The following GAREM1 variants were observed in gnomAD, a reference collection of about 807,000 sequenced individuals.
GAREM1 encodes the protein GRB2 associated regulator of MAPK1 subtype 1.
Under a neutral mutation model 71.3 loss-of-function variants are expected in GAREM1, and 26 were observed. The ratio of observed to expected loss-of-function variants is 0.36; its 90% CI spans 0.27 to 0.51. The LOEUF (loss-of-function observed/expected upper bound fraction) is 0.51. Among genes scored for constraint, GAREM1 ranks in the 20% least tolerant of loss-of-function variants. The pLI, the probability that GAREM1 is intolerant of heterozygous loss-of-function variation, is 0.95. For missense variants in GAREM1, 1,026 were observed against 1,103.1 expected, an observed-to-expected ratio of 0.93 and a Z score of 0.99; for synonymous variants, 440 against 433.2, an observed-to-expected ratio of 1.02 and a Z score of -0.20.
At chr18:32,466,397 A>G (rs1568022751) in intron 1 of GAREM1, among the ~76,000 whole-genome samples, 2 of 152,252 alleles carry the variant, frequency 1.3e-5, no homozygotes, top group Non-Finnish European at 2.9e-5. Context: ...ATATTTTACT[A>G]GAGTTTTTAG....
intron 4 of GAREM1, among the ~76,000 whole-genome samples, chr18:32,280,058 A>C (rs2041593485): frequency 6.6e-6 from 1 of 152,228 alleles, no homozygotes; most frequent in South Asian, 2.1e-4. Context: ...ACGAAACCTC[A>C]TTAACTAGTG....
At chr18:32,432,678 A>C (rs191472390) in intron 1 of GAREM1, among the ~76,000 whole-genome samples, 1 of 152,286 alleles carries the variant, frequency 6.6e-6, no homozygotes, top group African/African-American at 2.4e-5. Flanking sequence ...CACACGTATA[A>C]ATTTCACAGT....
At chr18:32,365,406 T>C (rs988025273) in intron 2 of GAREM1, among the ~76,000 whole-genome samples, 3 of 152,240 alleles carry the variant, frequency 2.0e-5, no homozygotes, top group African/African-American at 7.2e-5. Context: ...AAGAGATTAT[T>C]TTGATTTCAA....
intron 1 of GAREM1, among the ~76,000 whole-genome samples, chr18:32,436,832 CAG>C (rs2048684356): frequency 6.6e-6 from 1 of 152,122 alleles, no homozygotes; most frequent in African/African-American, 2.4e-5. Context: ...ATTTTGAAGA[CAG>C]AGAAACAGTT....
At chr18:32,278,964 G>A (rs990181497) in intron 4 of GAREM1, among the ~76,000 whole-genome samples, 5 of 152,146 alleles carry the variant, frequency 3.3e-5, no homozygotes, top group Non-Finnish European at 7.4e-5. Context: ...GGCAAGGGAG[G>A]CCCAGGGGAA....
chr18:32,424,513 G>A (rs1406757902), intron 1 of GAREM1, among the ~76,000 whole-genome samples: 1 of 152,176 alleles, frequency 6.6e-6, no homozygotes, highest in African/African-American at 2.4e-5. Context: ...AGTATTGCAT[G>A]TGTTTTGGTT....
At chr18:32,373,662 G>A (rs146434765) in intron 2 of GAREM1, among the ~76,000 whole-genome samples, 567 of 152,210 alleles carry the variant, frequency 3.7e-3, no homozygotes, top group Non-Finnish European at 6.4e-3. Context: ...CGCTCCAGCC[G>A]CCCACAAGCA....
chr18:32,313,752 GA>G (rs2047348472), intron 2 of GAREM1, among the ~76,000 whole-genome samples: 1 of 152,170 alleles, frequency 6.6e-6, no homozygotes, highest in Non-Finnish European at 1.5e-5. Context: ...TGGTAAAGGT[GA>G]TGAGGAAGAA....
At chr18:32,280,143 T>G (rs2041594477) in intron 4 of GAREM1, among the ~76,000 whole-genome samples, 1 of 152,176 alleles carries the variant, frequency 6.6e-6, no homozygotes, top group Non-Finnish European at 1.5e-5. Context: ...TATTAATACA[T>G]CAGATTTAAG....
chr18:32,463,317 G>A (rs1358493022), intron 1 of GAREM1, among the ~76,000 whole-genome samples: 2 of 135,304 alleles, frequency 1.5e-5, no homozygotes, highest in East Asian at 4.1e-4. Flanking sequence ...TTACAGTACT[G>A]TTCTCTGGAA....
chr18:32,276,839 C>A (rs916229868), intron 4 of GAREM1, among the ~76,000 whole-genome samples: 1 of 152,012 alleles, frequency 6.6e-6, no homozygotes, highest in African/African-American at 2.4e-5. Context: ...GCACTGAGAT[C>A]CCAGATGAGA....
intron 2 of GAREM1, among the ~76,000 whole-genome samples, chr18:32,337,595 T>C (rs1032872375): frequency 6.6e-6 from 1 of 152,256 alleles, no homozygotes; most frequent in African/African-American, 2.4e-5. Context: ...CTTTGAGATC[T>C]AAATGATCTT....
At chr18:32,292,573 G>C (rs921725034) in intron 3 of GAREM1, among the ~76,000 whole-genome samples, 1 of 152,048 alleles carries the variant, frequency 6.6e-6, no homozygotes, top group Non-Finnish European at 1.5e-5. Context: ...TGAATCATGG[G>C]GATGGTTTCC....
Position 32,268,733 on chromosome 18 carries a change from C to T in GAREM1, c.1769G>A (p.Ser590Asn). The T allele has an allele frequency of 6.2e-7, 1 of 1,613,984 alleles. No individual in the cohort carries two copies. The highest frequency in any genetic ancestry group is 8.5e-7 in the Non-Finnish European group (1 of 1,179,926). ...ACATGGATAGCAGGAAACAGGAGTGCTTTCAGAAGGATTTGTGTCAGTTTT... is the reference window on the plus strand; with the variant it reads ...ACATGGATAGCAGGAAACAGGAGTGTTTTCAGAAGGATTTGTGTCAGTTTT... ...VTKTDTNPSE[S>N]TPVSCYPCNR... is the part of the protein sequence containing the mutation. Residue 590 changes from serine to asparagine, a missense_variant, in exon 6 of 6, where the codon AGC (serine) becomes AAC (asparagine). Transcript: ENST00000269209.
intron 2 of GAREM1, among the ~76,000 whole-genome samples, chr18:32,331,328 CA>C (rs1297012949): frequency 6.6e-6 from 1 of 152,052 alleles, no homozygotes; most frequent in Non-Finnish European, 1.5e-5. Flanking sequence ...CTAAGCAGAT[CA>C]AGATGAAATT....
At chr18:32,295,420 GT>G (rs966574934) in intron 3 of GAREM1, among the ~76,000 whole-genome samples, 2 of 152,066 alleles carry the variant, frequency 1.3e-5, no homozygotes, top group African/African-American at 4.8e-5. Context: ...CTGGCCTACA[GT>G]TTTATTATCT....
chr18:32,285,773 G>A (rs888023222), intron 4 of GAREM1, among the ~76,000 whole-genome samples: 1 of 152,140 alleles, frequency 6.6e-6, no homozygotes, highest in Non-Finnish European at 1.5e-5. Flanking sequence ...AAACTGAGAC[G>A]TACGAGGGGA....
intron 4 of GAREM1, among the ~76,000 whole-genome samples, chr18:32,279,371 T>C (rs2041583881): frequency 6.6e-6 from 1 of 152,226 alleles, no homozygotes; most frequent in South Asian, 2.1e-4. Flanking sequence ...CTTGGATTAC[T>C]GCCCCAGCTC....
chr18:32,312,318 G>C (rs761982362), intron 2 of GAREM1, among the ~76,000 whole-genome samples: 1 of 152,132 alleles, frequency 6.6e-6, no homozygotes, highest in Admixed American at 6.5e-5. Context: ...GAGAAGGACC[G>C]GCCAGGGGAG....
Sources: gnomAD v4.1 joint callset for allele counts (sites outside exome capture counted in the v4.1 genomes callset) on GRCh38, gnomAD v4.1.1 for gene constraint, MANE v1.5 for transcripts, NCBI Gene and HGNC (gene_info 2026-07-23, HGNC 2026-07-21) for gene names.